Variants in CCDC77 observed in about 807,000 individuals in gnomAD.
The protein encoded by CCDC77 is coiled-coil domain containing 77.
In CCDC77, 56 loss-of-function variants were observed where a neutral mutation model predicts 66.8. The observed-to-expected ratio is 0.84, with a 90% CI of 0.68 to 1.05. The LOEUF (loss-of-function observed/expected upper bound fraction) is 1.05, where lower values mean the gene tolerates loss of function less well. Ranked by LOEUF, CCDC77 falls within the 50% of genes least tolerant of loss-of-function variation. The probability of loss-of-function intolerance (pLI) is 0.00; values close to 1 mark genes in which losing one functional copy is unlikely to be tolerated. For synonymous variants in CCDC77, 196 were observed against 195.2 expected (o/e 1.00, Z -0.03); for missense variants, 570 against 576.8 (o/e 0.99, Z 0.12).
In CCDC77 at chr12:416,363, GTGTGTGTGTGTGTGTA is replaced by G. The variant is rs1565569054; in HGVS notation, c.271-2129_271-2114del. Among the ~76,000 whole-genome samples the G allele has an allele frequency of 9.0e-3, 399 of 44,102 alleles. 1 individual carries two copies. Among genetic ancestry groups the G allele is most frequent in the Non-Finnish European group, 0.012 (298 of 24,876 alleles). 28.9% of individuals were successfully genotyped at this position (44,102 alleles called of 152,430 possible). On this transcript the variant is annotated intron_variant, in intron 4 of 12. Transcript: ENST00000239830. ...TGTGGGGGTGTGTGTGTGTGTGTGT[GTGTGTGTGTGTGTGTA>G]TATATATATATATATATATATATAT... is the stretch of plus-strand genomic sequence containing the variant.
intron 5 of CCDC77, among the ~76,000 whole-genome samples, chr12:427,767 C>G (rs1466773378): frequency 6.6e-6 from 1 of 152,122 alleles, no homozygotes; most frequent in Non-Finnish European, 1.5e-5. Flanking sequence ...AACACCACAC[C>G]CGGCCCGAAA....
intron 4 of CCDC77, among the ~76,000 whole-genome samples, chr12:418,236 C>G (rs2137571619): frequency 6.6e-6 from 1 of 152,184 alleles, no homozygotes; most frequent in Non-Finnish European, 1.5e-5. Flanking sequence ...CAAGAATCAC[C>G]TAGAAGGTGG....
chr12:413,714 G>T (rs1271503302), intron 4 of CCDC77, among the ~76,000 whole-genome samples: 2 of 147,776 alleles, frequency 1.4e-5, no homozygotes, highest in Non-Finnish European at 3.0e-5. Context: ...TGCAAGCTCT[G>T]CCTCCTGGGT....
intron 1 of CCDC77, among the ~76,000 whole-genome samples, chr12:396,073 A>G (rs982284430): frequency 6.6e-6 from 1 of 152,116 alleles, no homozygotes; most frequent in African/African-American, 2.4e-5. Context: ...ATAAAAGAAA[A>G]TAAATACATT....
chr12:406,495 G>A (rs1944993358), intron 2 of CCDC77, among the ~76,000 whole-genome samples: 1 of 152,248 alleles, frequency 6.6e-6, no homozygotes, highest in African/African-American at 2.4e-5. Flanking sequence ...GAAGTAATGA[G>A]GTTGGCCAGA....
At position 390,736 on chromosome 12, in the gene CCDC77, A is replaced by AACACACACACACACACACAC. The variant is rs58938735; in HGVS notation, c.-113+1256_-113+1275dup. Among the ~76,000 whole-genome samples, 738 of 149,454 alleles carry AACACACACACACACACACAC rather than the reference A, an allele frequency of 4.9e-3. 3 individuals are homozygous for AACACACACACACACACACAC. The highest frequency in any genetic ancestry group is 0.017 in the African/African-American group (702 of 40,748). On this transcript the variant is annotated intron_variant, in intron 1 of 11. Transcript: ENST00000422000. ...AGTCCTTAAAATAAATATCTTTATA[A>AACACACACACACACACACAC]ACACACACACACACACACACACACA...
upstream of CCDC77, among the ~76,000 whole-genome samples, chr12:396,794 T>C (rs970752624): frequency 3.3e-5 from 5 of 152,214 alleles, no homozygotes; most frequent in African/African-American, 1.2e-4. Flanking sequence ...TTTCTTCTAA[T>C]AGAGACAAAT....
intron 6 of CCDC77, among the ~76,000 whole-genome samples, chr12:429,428 A>T (rs1381393835): frequency 6.7e-6 from 1 of 150,368 alleles, no homozygotes; most frequent in African/African-American, 2.4e-5. Context: ...GTATACGTAT[A>T]CTTCTGTTTT....
chr12:398,808 G>A (rs1305583104), upstream of CCDC77, among the ~76,000 whole-genome samples: 1 of 150,652 alleles, frequency 6.6e-6, no homozygotes, highest in Non-Finnish European at 1.5e-5. Flanking sequence ...CACTCAGGCT[G>A]GACTGCAGTG....
chr12:409,065 C>T (rs539363300), intron 2 of CCDC77, among the ~76,000 whole-genome samples: 5 of 151,922 alleles, frequency 3.3e-5, no homozygotes, highest in South Asian at 4.1e-4. Flanking sequence ...ATTCGCCAGG[C>T]GTAGTGGTGC....
At chr12:403,681 AG>A (rs1411292413) in intron 1 of CCDC77, among the ~76,000 whole-genome samples, 2 of 152,148 alleles carry the variant, frequency 1.3e-5, no homozygotes, top group South Asian at 4.1e-4. Context: ...TTGTAGAGAC[AG>A]GGTTTCACCA....
chr12:426,779 A>T (rs925348519), intron 5 of CCDC77, among the ~76,000 whole-genome samples: 1 of 151,918 alleles, frequency 6.6e-6, no homozygotes, highest in Non-Finnish European at 1.5e-5. Flanking sequence ...GTCAGCTTAG[A>T]CCCTGTATCC....
intron 5 of CCDC77, among the ~76,000 whole-genome samples, chr12:427,045 G>A (rs1395445637): frequency 6.6e-6 from 1 of 152,108 alleles, no homozygotes; most frequent in Non-Finnish European, 1.5e-5. Context: ...AGGAGTTCAA[G>A]ACCAGCCTGG....
At chr12:398,573 A>T (rs919646198), upstream of CCDC77, among the ~76,000 whole-genome samples, 2 of 151,062 alleles carry the variant, frequency 1.3e-5, no homozygotes, top group Middle Eastern at 3.2e-3. Context: ...CCAAGGCTCC[A>T]CTTCTAATTC....
chr12:436,113 GTC>G (rs1945743873), intron 9 of CCDC77, among the ~76,000 whole-genome samples: 1 of 120,758 alleles, frequency 8.3e-6, no homozygotes, highest in African/African-American at 3.2e-5. Flanking sequence ...CTGATCCTTT[GTC>G]TTTTTTTTTT....
chr12:432,470 T>A (rs958153121), intron 8 of CCDC77, among the ~76,000 whole-genome samples: 7 of 152,208 alleles, frequency 4.6e-5, no homozygotes, highest in Non-Finnish European at 8.8e-5. Context: ...CTTTGGCCAG[T>A]ATCTCCATGT....
chr12:423,479 G>GTTTTTTTTTTTT (rs1289177296), intron 5 of CCDC77, among the ~76,000 whole-genome samples: 1 of 21,232 alleles, frequency 4.7e-5, no homozygotes, highest in African/African-American at 1.6e-4. Context: ...TGTTTTTTGT[G>GTTTTTTTTTTTT]TTTTTTTTTG....
upstream of CCDC77, among the ~76,000 whole-genome samples, chr12:399,235 G>C (rs989367511): frequency 6.6e-6 from 1 of 151,792 alleles, no homozygotes; most frequent in Non-Finnish European, 1.5e-5. Flanking sequence ...GCAATGGCAC[G>C]ATCTCAGTTC....
At chr12:431,212 C>CTTTTTTTTTTTTTTTTTTTTTTTTTT (rs61068771) in intron 7 of CCDC77, among the ~76,000 whole-genome samples, 1 of 115,778 alleles carries the variant, frequency 8.6e-6, no homozygotes, top group Non-Finnish European at 1.9e-5. Flanking sequence ...TTGCTCAGTT[C>CTTTTTTTTTTTTTTTTTTTTTTTTTT]TTTTTTTTTT....
Sources: allele counts gnomAD v4.1 joint callset (sites outside exome capture counted in the v4.1 genomes callset), GRCh38; gene constraint gnomAD v4.1.1; transcripts MANE v1.5; gene names NCBI Gene and HGNC (gene_info 2026-07-23, HGNC 2026-07-21).